HIVEP2: variants seen among roughly 807,000 people sequenced by gnomAD.
The protein encoded by HIVEP2 is HIVEP zinc finger 2.
A neutral mutation model predicts 180.7 loss-of-function variants in HIVEP2; 14 were observed. The ratio of observed to expected loss-of-function variants is 0.08; its 90% confidence interval spans 0.05 to 0.12. The LOEUF (loss-of-function observed/expected upper bound fraction) is 0.12, where lower values mean the gene tolerates loss of function less well. Among genes scored for constraint, HIVEP2 ranks in the 10% least tolerant of loss-of-function variants. The pLI is 1.00. For synonymous variants in HIVEP2, 1,184 were observed against 1,136.4 expected, an observed-to-expected ratio of 1.04 and a Z score of -0.84; for missense variants, 2,579 against 3,008.5, an observed-to-expected ratio of 0.86 and a Z score of 3.34.
intron 2 of HIVEP2, among the ~76,000 whole-genome samples, chr6:142,786,694 T>A (rs1016566141): frequency 6.6e-6 from 1 of 152,218 alleles, no homozygotes; most frequent in Admixed American, 6.5e-5. Flanking sequence ...GATTCATAGA[T>A]GACAGATAAG....
chr6:142,818,750 AAAG>A (rs1776933336), intron 2 of HIVEP2, among the ~76,000 whole-genome samples: 1 of 143,014 alleles, frequency 7.0e-6, no homozygotes, highest in African/African-American at 2.7e-5. Flanking sequence ...AGAAAGAAAG[AAAG>A]AAAGAAAGAA....
At chr6:142,801,501 G>A (rs182084669) in intron 2 of HIVEP2, among the ~76,000 whole-genome samples, 1 of 151,252 alleles carries the variant, frequency 6.6e-6, no homozygotes, top group East Asian at 1.9e-4. Flanking sequence ...CGATCACTGA[G>A]ATAGTGATTG....
rs1778227331 is a variant in HIVEP2, at chr6:142,943,400, C to T, written c.-641+1699G>A. Among the ~76,000 whole-genome samples the T allele has an allele frequency of 6.6e-6, 1 of 152,054 alleles. No homozygotes were observed. Among genetic ancestry groups the T allele is most frequent in the South Asian group, 2.1e-4 (1 of 4,832 alleles). ...AATATTACTATATCACTGGAGGAAA[C>T]GTTTCTAATAAAGTTAAATGGCCTT... On this transcript the variant is annotated intron_variant, in intron 1 of 9. Coordinates refer to ENST00000367603, the MANE Select transcript of HIVEP2 (RefSeq NM_006734.4). The surrounding 1 kb of genome is among the most constrained non-coding windows in gnomAD (Gnocchi z 4.5).
At chr6:142,840,918 T>C (rs1775344906) in intron 1 of HIVEP2, among the ~76,000 whole-genome samples, 1 of 152,116 alleles carries the variant, frequency 6.6e-6, no homozygotes, top group African/African-American at 2.4e-5. Context: ...TAATTAAAAT[T>C]TCTTTTCAGA....
At chr6:142,776,888 A>C (rs1463686581) in intron 3 of HIVEP2, among the ~76,000 whole-genome samples, 1 of 152,080 alleles carries the variant, frequency 6.6e-6, no homozygotes, top group Non-Finnish European at 1.5e-5. Context: ...TAAAAGAATA[A>C]ATTTCCCTTT....
rs1274923521 is a variant in HIVEP2 at position 142,770,497 on chromosome 6, G to A, written c.4242C>T (p.Pro1414=). Residue 1414 remains proline, a synonymous_variant, in exon 5 of 10, where the codon CCC becomes CCT. Transcript: ENST00000367603. This position sits in a 1 kb window ranked among gnomAD's most constrained non-coding sequence, Gnocchi z 4.7. ...AGGGGATGGAGGATTCTAAGCCGAG[G>A]GGCAAAGTCTGAGGTGCTTTCCAAA... ...YPIWKAPQTL[P]LGLESSIPLC... is the part of the protein sequence containing the mutation. 1.2e-6 allele frequency: 2 copies of A among 1,614,048 alleles called. No homozygotes were observed. Among genetic ancestry groups the A allele is most frequent in the African/African-American group, 2.7e-5 (2 of 74,926 alleles).
chr6:142,859,834 C>CAAAAAAAAAAAAAAAAAAAAGAAAAAA (rs1775926310), intron 1 of HIVEP2, among the ~76,000 whole-genome samples: 1 of 73,610 alleles, frequency 1.4e-5, no homozygotes. Context: ...AACTCCGTCT[C>CAAAAAAAAAAAAAAAAAAAAGAAAAAA]AAAAAAAAAA....
chr6:142,796,924 G>T (rs186354932), intron 2 of HIVEP2, among the ~76,000 whole-genome samples: 1 of 152,228 alleles, frequency 6.6e-6, no homozygotes, highest in East Asian at 1.9e-4. Context: ...GAATTATTAC[G>T]GTAGTACAGC....
chr6:142,940,348 T>C (rs190293571), intron 1 of HIVEP2, among the ~76,000 whole-genome samples: 3 of 152,332 alleles, frequency 2.0e-5, no homozygotes, highest in Non-Finnish European at 2.9e-5. Context: ...AGTCATTACA[T>C]ATAGAGTCAT....
At chr6:142,926,587 C>A (rs1014333547) in intron 1 of HIVEP2, among the ~76,000 whole-genome samples, 4 of 152,252 alleles carry the variant, frequency 2.6e-5, no homozygotes. Context: ...TGGGCACCAT[C>A]AGGCCCCACT....
intron 1 of HIVEP2, among the ~76,000 whole-genome samples, chr6:142,917,605 A>G (rs1402707893): frequency 6.6e-6 from 1 of 152,224 alleles, no homozygotes; most frequent in African/African-American, 2.4e-5. Flanking sequence ...ACAACTTCCA[A>G]TCACACATGT....
chr6:142,831,620 A>G (rs1775084204), intron 2 of HIVEP2, among the ~76,000 whole-genome samples: 1 of 152,182 alleles, frequency 6.6e-6, no homozygotes, highest in African/African-American at 2.4e-5. Context: ...AAATTTTTTC[A>G]GAGGTCAATT....
rs763149300 is a variant in HIVEP2 at position 142,771,054 on chromosome 6, G to A, written c.3685C>T (p.His1229Tyr). The change falls in exon 5 of 10, where the codon CAT becomes TAT. Residue 1229 changes from histidine (H) to tyrosine (Y), a missense_variant. His to Tyr is a moderately conservative substitution (Grantham distance 83). This residue lies in a region of HIVEP2 where 523 missense variants were observed against 577.0 expected (regional missense o/e 0.91). Coordinates refer to ENST00000367603, the MANE Select transcript of HIVEP2 (RefSeq NM_006734.4). This position sits in a 1 kb window ranked among gnomAD's most constrained non-coding sequence, Gnocchi z 5.4. ...TGCTGAGCAAAGGGATGTGGGAAAT[G>A]TGCCTGCCACCAGGGAGGCTGCTGA... ...PAQQPPWWQA[H>Y]FPHPFAQHPQ... 1.5e-5 allele frequency: 24 copies of A among 1,614,210 alleles called. No homozygotes were observed. The East Asian group carries it at 4.2e-4, about 28-fold the overall frequency.
chr6:142,767,212 T>C (rs1055339516), intron 6 of HIVEP2, among the ~76,000 whole-genome samples: 1 of 152,186 alleles, frequency 6.6e-6, no homozygotes, highest in African/African-American at 2.4e-5. Context: ...TGTGAGAGGG[T>C]TGATTCAGTC....
chr6:142,755,671 G>A (rs1482194800), intron 9 of HIVEP2, among the ~76,000 whole-genome samples: 1 of 152,154 alleles, frequency 6.6e-6, no homozygotes, highest in African/African-American at 2.4e-5. Flanking sequence ...CCCAAATCCA[G>A]GCTGACAAAT....
At chr6:142,843,964 A>ACTT (rs1392898244) in intron 1 of HIVEP2, among the ~76,000 whole-genome samples, 4 of 152,196 alleles carry the variant, frequency 2.6e-5, no homozygotes, top group African/African-American at 9.7e-5. Context: ...ATCTTCTGTT[A>ACTT]CTTCGAGTAC....
intron 1 of HIVEP2, among the ~76,000 whole-genome samples, chr6:142,890,147 A>G (rs1776819540): frequency 6.6e-6 from 1 of 152,166 alleles, no homozygotes; most frequent in African/African-American, 2.4e-5. Flanking sequence ...AAGAAATCAG[A>G]CCTAAATGCC....
At chr6:142,893,700 A>G (rs1445405642) in intron 1 of HIVEP2, among the ~76,000 whole-genome samples, 1 of 152,202 alleles carries the variant, frequency 6.6e-6, no homozygotes, top group Non-Finnish European at 1.5e-5. Context: ...TATTCTATCC[A>G]GTTCTATTCT....
chr6:142,846,512 C>G (rs1775519668), intron 1 of HIVEP2, among the ~76,000 whole-genome samples: 2 of 152,190 alleles, frequency 1.3e-5, no homozygotes, highest in Admixed American at 6.5e-5. Context: ...ACTAGACTCC[C>G]AGATATTTCC....
Sources: allele counts gnomAD v4.1 joint callset (sites outside exome capture counted in the v4.1 genomes callset), GRCh38; gene constraint gnomAD v4.1.1; regional missense constraint gnomAD v4.1.1; non-coding constraint Gnocchi (gnomAD v3.1); transcripts MANE v1.5; gene names NCBI Gene and HGNC (gene_info 2026-07-23, HGNC 2026-07-21).